Variants in FBXO34 observed in about 807,000 individuals in gnomAD.
FBXO34 encodes F-box protein 34.
A neutral mutation model predicts 24.5 loss-of-function variants in FBXO34; 12 were observed. The observed-to-expected ratio is 0.49, with a 90% CI of 0.31 to 0.79. FBXO34 has a LOEUF of 0.79. Ranked by LOEUF, FBXO34 falls within the 30% of genes least tolerant of loss-of-function variation. The probability of loss-of-function intolerance (pLI) is 0.04; values close to 1 mark genes in which losing one functional copy is unlikely to be tolerated. For missense variants in FBXO34, 823 were observed against 857.7 expected (o/e 0.96, Z 0.51); for synonymous variants, 320 against 311.9 (o/e 1.03, Z -0.27).
chr14:55,302,446 CTTTTTTGTT>C (rs1334070945), intron 1 of FBXO34, among the ~76,000 whole-genome samples: 2 of 129,662 alleles, frequency 1.5e-5, no homozygotes, highest in Non-Finnish European at 1.6e-5. Flanking sequence ...TCTGTAGCCT[CTTTTTTGTT>C]TTTTTTTTTT....
At chr14:55,326,628 T>C (rs1014824252) in intron 1 of FBXO34, among the ~76,000 whole-genome samples, 2 of 152,206 alleles carry the variant, frequency 1.3e-5, no homozygotes, top group Admixed American at 6.5e-5. Flanking sequence ...TAGCTCGTAA[T>C]AGAGGGCAAT....
At chr14:55,323,184 CAAA>C (rs368380622) in intron 1 of FBXO34, among the ~76,000 whole-genome samples, 151 of 12,110 alleles carry the variant, frequency 0.012, 24 homozygotes, top group African/African-American at 0.03. Context: ...GACTCTGTCT[CAAA>C]AAAAAAAAAA....
chr14:55,323,234 T>A (rs368787569), intron 1 of FBXO34, among the ~76,000 whole-genome samples: 29 of 69,688 alleles, frequency 4.2e-4, no homozygotes, highest in South Asian at 1.9e-3. Context: ...TATTTTTTTT[T>A]TTTTTTTTTT....
chr14:55,431,090 G>A, the FBXO34 span, among the ~76,000 whole-genome samples: 4 of 152,132 alleles, frequency 2.6e-5, no homozygotes, highest in Non-Finnish European at 5.9e-5. Flanking sequence ...TTGATCTTCT[G>A]CACTTTTCCT....
the FBXO34 span, among the ~76,000 whole-genome samples, chr14:55,405,409 T>C: frequency 2.0e-5 from 3 of 152,252 alleles, no homozygotes; most frequent in African/African-American, 7.2e-5. Context: ...TCATATATTC[T>C]AAAACTTGTC....
chr14:55,386,507 T>A, the FBXO34 span, among the ~76,000 whole-genome samples: 1 of 152,350 alleles, frequency 6.6e-6, no homozygotes, highest in Middle Eastern at 3.4e-3. Context: ...TGCCTTGGGC[T>A]ATAATCAGAG....
chr14:55,424,094 A>T, the FBXO34 span: 1 of 1,139,030 alleles, frequency 8.8e-7, no homozygotes, highest in Non-Finnish European at 1.3e-6. Flanking sequence ...GGTATTTAAA[A>T]GAATAAGCAA....
chr14:55,439,930 CAAA>C, the FBXO34 span, among the ~76,000 whole-genome samples: 5,242 of 39,138 alleles, frequency 0.13, 356 homozygotes, highest in Non-Finnish European at 0.17. Flanking sequence ...GACTCTGTCT[CAAA>C]AAAAAAAAAA....
chr14:55,325,950 A>G (rs1334997687), intron 1 of FBXO34: 1 of 152,248 alleles, frequency 6.6e-6, no homozygotes, highest in Non-Finnish European at 1.5e-5. Flanking sequence ...ATCCCCATTC[A>G]TGGGGCGCTT....
chr14:55,359,065 A>G (rs982749777), intron 3 of FBXO34, among the ~76,000 whole-genome samples: 12 of 151,952 alleles, frequency 7.9e-5, no homozygotes, highest in South Asian at 2.1e-4. Flanking sequence ...CCGATGCACC[A>G]CTCCCAGCAT....
the FBXO34 span, chr14:55,397,505 C>T: frequency 8.3e-7 from 1 of 1,203,664 alleles, no homozygotes; most frequent in Non-Finnish European, 1.2e-6. Context: ...TGCAAATTCC[C>T]AAGAACCAAT....
chr14:55,417,962 TCTTA>T, the FBXO34 span, among the ~76,000 whole-genome samples: 1 of 152,222 alleles, frequency 6.6e-6, no homozygotes, highest in Non-Finnish European at 1.5e-5. Context: ...CTTTCAGTTT[TCTTA>T]CTTGTAAAAT....
At chr14:55,409,732 T>C in the FBXO34 span, among the ~76,000 whole-genome samples, 1 of 152,054 alleles carries the variant, frequency 6.6e-6, no homozygotes, top group South Asian at 2.1e-4. Flanking sequence ...TAATAGGAGA[T>C]TAAATCAGAG....
At chr14:55,280,245 A>G (rs1300811220) in intron 1 of FBXO34, among the ~76,000 whole-genome samples, 1 of 152,192 alleles carries the variant, frequency 6.6e-6, no homozygotes, top group Non-Finnish European at 1.5e-5. Flanking sequence ...AAAAGTTGAG[A>G]TAACTATGTA....
the FBXO34 span, chr14:55,377,760 C>T: frequency 1.5e-6 from 2 of 1,300,086 alleles, no homozygotes; most frequent in Non-Finnish European, 1.1e-6. Context: ...TGCCAACATA[C>T]AACTCCTCTA....
the FBXO34 span, among the ~76,000 whole-genome samples, chr14:55,410,061 G>A: frequency 6.6e-6 from 1 of 152,144 alleles, no homozygotes; most frequent in African/African-American, 2.4e-5. Context: ...GTTAAGAGAG[G>A]AGTCAAGGAG....
At chr14:55,368,817 T>C (rs938720804), downstream of FBXO34, 2 of 152,168 alleles carry the variant, frequency 1.3e-5, no homozygotes, top group Non-Finnish European at 2.9e-5. Flanking sequence ...ACCCAGAAAA[T>C]ATAAGTTCAA....
chr14:55,326,396 T>C (rs115529718), intron 1 of FBXO34, among the ~76,000 whole-genome samples: 2,127 of 152,300 alleles, frequency 0.014, 34 homozygotes, highest in African/African-American at 0.044. Context: ...AGGTAATCTT[T>C]GGTCTAAATA....
the FBXO34 span, among the ~76,000 whole-genome samples, chr14:55,386,810 G>A: frequency 0.1 from 15,353 of 152,238 alleles, 2,138 homozygotes; most frequent in African/African-American, 0.31. Context: ...CTGTTGGGCT[G>A]TAGCTAAACT....
Sources: allele counts gnomAD v4.1 joint callset (sites outside exome capture counted in the v4.1 genomes callset), GRCh38; gene constraint gnomAD v4.1.1; transcripts MANE v1.5; gene names NCBI Gene and HGNC (gene_info 2026-07-23, HGNC 2026-07-21).